Variants in CPED1 observed in about 807,000 individuals in gnomAD.
CPED1 encodes the protein cadherin like and PC-esterase domain containing 1, also known as cadherin-like and PC-esterase domain-containing protein 1.
CPED1 carries 114 observed loss-of-function variants against 128.2 expected under a neutral mutation model. That is an observed-to-expected ratio of 0.89 (90% CI 0.76 to 1.04). The LOEUF (loss-of-function observed/expected upper bound fraction) is 1.04. Ranked by LOEUF, CPED1 falls within the 50% of genes least tolerant of loss-of-function variation. The probability of loss-of-function intolerance (pLI) is 0.00; values close to 1 mark genes in which losing one functional copy is unlikely to be tolerated. For missense variants in CPED1, 1,211 were observed against 1,207.1 expected, an observed-to-expected ratio of 1.00 and a Z score of -0.05; for synonymous variants, 462 against 426.7, an observed-to-expected ratio of 1.08 and a Z score of -1.02.
chr7:121,199,673 C>CAAAAAAAAAAAAAAA (rs1160203035), intron 16 of CPED1, among the ~76,000 whole-genome samples: 1 of 86,944 alleles, frequency 1.2e-5, no homozygotes, highest in African/African-American at 4.6e-5. Flanking sequence ...GAGACTCCAT[C>CAAAAAAAAAAAAAAA]AAAAAAAAAA....
chr7:121,156,376 T>G (rs1431320829), intron 16 of CPED1, among the ~76,000 whole-genome samples: 2 of 152,196 alleles, frequency 1.3e-5, no homozygotes, highest in African/African-American at 4.8e-5. Context: ...AGGTAAGAGA[T>G]ATTTGCACTC....
chr7:121,109,456 A>C (rs999321997), intron 7 of CPED1, among the ~76,000 whole-genome samples: 1 of 152,152 alleles, frequency 6.6e-6, no homozygotes, highest in African/African-American at 2.4e-5. Flanking sequence ...ATTTAGAGAA[A>C]GGGACTTCAA....
intron 18 of CPED1, among the ~76,000 whole-genome samples, chr7:121,254,948 A>G (rs1316774905): frequency 1.4e-4 from 22 of 151,936 alleles, no homozygotes; most frequent in Admixed American, 1.4e-3. Context: ...GACCTGACCC[A>G]GATGGATTCA....
chr7:121,143,347 G>C (rs1181122777), intron 16 of CPED1, among the ~76,000 whole-genome samples: 1 of 151,912 alleles, frequency 6.6e-6, no homozygotes, highest in African/African-American at 2.4e-5. Context: ...TTAAATGGTG[G>C]TTCATTTATA....
intron 18 of CPED1, among the ~76,000 whole-genome samples, chr7:121,265,062 G>A (rs754044613): frequency 2.0e-5 from 3 of 152,074 alleles, no homozygotes; most frequent in African/African-American, 4.8e-5. Flanking sequence ...GATGAGACCT[G>A]TTGGTAGAGG....
intron 2 of CPED1, among the ~76,000 whole-genome samples, chr7:121,013,011 G>C (rs751074402): frequency 6.6e-6 from 1 of 152,192 alleles, no homozygotes; most frequent in Non-Finnish European, 1.5e-5. Flanking sequence ...ACTTGAGCCA[G>C]CTGTAATAGA....
rs1157885862 is a variant in CPED1 at position 121,074,509 on chromosome 7, G to GTTTTTTTTTTTTTTTTTTTT, written c.616+10214_616+10215insTTTTTTTTTTTTTTTTTTTT. ...TTCCTTACTAATAAATTTCCTTTGT[G>GTTTTTTTTTTTTTTTTTTTT]TTTTTTTTTTTTTTTTTTGAGGGCA... is the stretch of plus-strand genomic sequence containing the variant. On this transcript the variant is annotated intron_variant, in intron 5 of 22. Transcript: ENST00000310396. Among the ~76,000 whole-genome samples, 51 of 80,836 alleles carry GTTTTTTTTTTTTTTTTTTTT rather than the reference G, an allele frequency of 6.3e-4. 11 individuals are homozygous for GTTTTTTTTTTTTTTTTTTTT. Among genetic ancestry groups the GTTTTTTTTTTTTTTTTTTTT allele is most frequent in the African/African-American group, 2.1e-3 (46 of 22,020 alleles). The allele number at this position is 80,836 out of a possible 152,430, so 53.0% of individuals were successfully genotyped here.
intron 16 of CPED1, among the ~76,000 whole-genome samples, chr7:121,231,620 G>T (rs1379639803): frequency 6.6e-6 from 1 of 152,044 alleles, no homozygotes; most frequent in Non-Finnish European, 1.5e-5. Flanking sequence ...ACGTTGGATG[G>T]AGATAGATTG....
intron 22 of CPED1, among the ~76,000 whole-genome samples, chr7:121,282,483 A>G (rs1482402620): frequency 6.6e-6 from 1 of 152,198 alleles, no homozygotes; most frequent in Non-Finnish European, 1.5e-5. Context: ...CTGTACAGGT[A>G]TCAAACATCT....
intron 16 of CPED1, among the ~76,000 whole-genome samples, chr7:121,196,822 T>C (rs941470634): frequency 6.6e-6 from 1 of 152,018 alleles, no homozygotes; most frequent in African/African-American, 2.4e-5. Flanking sequence ...TTCAGCTTTA[T>C]TTTTAAACCT....
At chr7:121,118,060 T>A (rs1795295353) in intron 7 of CPED1, among the ~76,000 whole-genome samples, 1 of 152,198 alleles carries the variant, frequency 6.6e-6, no homozygotes, top group Non-Finnish European at 1.5e-5. Flanking sequence ...TATTTCATGA[T>A]AAACCACTAT....
chr7:121,047,048 G>A, intron 4 of CPED1, 55 bp downstream of exon 4: 1 of 1,043,096 alleles, frequency 9.6e-7, no homozygotes, highest in South Asian at 1.4e-5. Flanking sequence ...TATTAACACT[G>A]GCATTTCCTG....
intron 16 of CPED1, among the ~76,000 whole-genome samples, chr7:121,230,883 A>G (rs1798120909): frequency 6.6e-6 from 1 of 152,024 alleles, no homozygotes; most frequent in South Asian, 2.1e-4. Context: ...GCAAGATCAG[A>G]GTGGGTTTTG....
At chr7:121,287,198 A>G (rs1792598242) in intron 22 of CPED1, among the ~76,000 whole-genome samples, 1 of 152,114 alleles carries the variant, frequency 6.6e-6, no homozygotes, top group African/African-American at 2.4e-5. Context: ...AAAGATCATG[A>G]ACCATGGTAG....
chr7:121,069,758 C>T (rs1227689365), intron 5 of CPED1, among the ~76,000 whole-genome samples: 2 of 152,104 alleles, frequency 1.3e-5, no homozygotes, highest in Non-Finnish European at 2.9e-5. Flanking sequence ...TAAGTTTGCT[C>T]ATTTTGATAA....
chr7:121,194,022 C>CTCTATATATATA (rs1484413430), intron 16 of CPED1, among the ~76,000 whole-genome samples: 2 of 74,748 alleles, frequency 2.7e-5, no homozygotes, highest in East Asian at 3.8e-4. Context: ...CTCTCTCTCT[C>CTCTATATATATA]TATATATATA....
intron 15 of CPED1, 106 bp from the exon 16 acceptor site, chr7:121,141,867 T>C (rs1795912265): frequency 1.2e-6 from 1 of 814,610 alleles, no homozygotes; most frequent in Non-Finnish European, 1.9e-6. Context: ...ACCTTTCCTG[T>C]TATTTATTCA....
rs79518525 is a variant in CPED1 at position 121,007,123 on chromosome 7, C to T, written c.250-8542C>T. ...TTCTGCCTCCAAGATTCACCCTATG[C>T]GTAGGGGTTAGCTTGGGGAAGGAAG... On this transcript the variant is annotated intron_variant, in intron 2 of 22. Transcript: ENST00000310396. Among the ~76,000 whole-genome samples, 347 of 151,912 alleles carry T rather than the reference C, an allele frequency of 2.3e-3. 1 individual carries two copies. Among genetic ancestry groups the T allele is most frequent in the African/African-American group, 7.9e-3 (329 of 41,430 alleles).
At chr7:121,060,839 A>C (rs980896978) in intron 4 of CPED1, among the ~76,000 whole-genome samples, 1 of 152,204 alleles carries the variant, frequency 6.6e-6, no homozygotes, top group Non-Finnish European at 1.5e-5. Context: ...TTTGCAATAA[A>C]TCTTGCTGCT....
Sources: allele counts gnomAD v4.1 joint callset (sites outside exome capture counted in the v4.1 genomes callset), GRCh38; gene constraint gnomAD v4.1.1; transcripts MANE v1.5; gene names NCBI Gene and HGNC (gene_info 2026-07-23, HGNC 2026-07-21).